Variants in MFNG observed in about 807,000 individuals in gnomAD.
MFNG encodes the protein beta-1,3-N-acetylglucosaminyltransferase manic fringe.
MFNG carries 24 observed loss-of-function variants against 34.2 expected under a neutral mutation model. The observed-to-expected ratio is 0.70, with a 90% CI of 0.51 to 0.99. The LOEUF is 0.99. Ranked by LOEUF, MFNG falls within the 50% of genes least tolerant of loss-of-function variation. MFNG has a pLI of 0.00. For missense variants in MFNG, 383 were observed against 424.0 expected (o/e 0.90, Z 0.85); for synonymous variants, 158 against 179.2 (o/e 0.88, Z 0.94).
intron 3 of MFNG, among the ~76,000 whole-genome samples, chr22:37,479,894 C>T (rs1403991335): frequency 6.6e-6 from 1 of 152,104 alleles, no homozygotes; most frequent in Non-Finnish European, 1.5e-5. Flanking sequence ...ATCCCAGCTA[C>T]TTGGGAGGCT....
intron 1 of MFNG, chr22:37,481,368 G>A (rs890504032): frequency 6.5e-6 from 1 of 152,938 alleles, no homozygotes; most frequent in Non-Finnish European, 1.5e-5. Context: ...GTTGTCATCT[G>A]TTCCCTTTCC....
At chr22:37,479,770 G>A (rs918678546) in intron 3 of MFNG, among the ~76,000 whole-genome samples, 2 of 152,162 alleles carry the variant, frequency 1.3e-5, no homozygotes, top group Non-Finnish European at 2.9e-5. Flanking sequence ...TTAGGAGGCC[G>A]AGGCAGGTGA....
Position 37,469,647 on chromosome 22 carries a change from T to G in MFNG, c.*316A>C. On this transcript the variant is annotated 3_prime_UTR_variant, in exon 8 of 8. Coordinates refer to ENST00000356998, the MANE Select transcript of MFNG (RefSeq NM_002405.4). Reference sequence around the variant, plus strand: ...AGAGGCCATGTCACTGCCTAAAGGGTTAGGACCCCTGAGCCCCAGCCCAGC... The same window carrying G: ...AGAGGCCATGTCACTGCCTAAAGGGGTAGGACCCCTGAGCCCCAGCCCAGC... 2.3e-6 allele frequency: 1 copy of G among 438,412 alleles called. No individual in the cohort carries two copies. The highest frequency in any genetic ancestry group is 5.0e-5 in the East Asian group (1 of 20,066). The allele number at this position is 438,412 out of a possible 1,614,324, so 27.2% of individuals were successfully genotyped here.
At chr22:37,470,054 G>C in intron 7 of MFNG, 25 bp from the exon 8 acceptor site, 1 of 1,560,808 alleles carries the variant, frequency 6.4e-7, no homozygotes, top group Non-Finnish European at 8.7e-7. Flanking sequence ...GAAAAGGACA[G>C]GATGGTCACC....
At chr22:37,476,748 C>T in intron 5 of MFNG, 148 bp downstream of exon 5, 2 of 701,878 alleles carry the variant, frequency 2.8e-6, no homozygotes, top group Admixed American at 4.6e-5. Flanking sequence ...GGCTTGTTCA[C>T]CACCAACTGC....
chr22:37,479,829 C>A (rs1922210291), intron 3 of MFNG, among the ~76,000 whole-genome samples: 1 of 152,096 alleles, frequency 6.6e-6, no homozygotes, highest in Non-Finnish European at 1.5e-5. Context: ...CATGGTGAAA[C>A]CCCGTCTCTA....
At chr22:37,473,760 T>C (rs562751188) in intron 6 of MFNG, among the ~76,000 whole-genome samples, 1 of 152,338 alleles carries the variant, frequency 6.6e-6, no homozygotes, top group South Asian at 2.1e-4. Flanking sequence ...ACATGAGGGC[T>C]GAGCCCACCT....
Position 37,472,429 on chromosome 22 carries a change from GC to G in MFNG, c.899+13del. 1.9e-6 allele frequency: 3 copies of G among 1,561,392 alleles called. No individual in the cohort carries two copies. The highest frequency in any genetic ancestry group is 2.5e-5 in the East Asian group (1 of 40,558). The stretch of plus-strand genomic sequence containing the variant: ...CCCACTCCTCCCATCCAAGGTTCCA[GC>G]CCCCAGACCCACCTGGAGGGGTCCT... On this transcript the variant is annotated intron_variant, in intron 7 of 7. Coordinates refer to ENST00000356998, the MANE Select transcript of MFNG (RefSeq NM_002405.4).
chr22:37,474,970 T>C (rs762057171), intron 5 of MFNG, among the ~76,000 whole-genome samples: 4 of 152,216 alleles, frequency 2.6e-5, no homozygotes, highest in Non-Finnish European at 5.9e-5. Flanking sequence ...CTCTCTGTCT[T>C]GTCATTCATT....
rs56181145 is a variant in MFNG, at chr22:37,479,919, G to A, written c.407+278C>T. ...CTTGGGAGGCTGAGGCAGGAGAATC[G>A]CTTGAATCCAGGAGCGGAGGTTGCA... On this transcript the variant is annotated intron_variant, in intron 3 of 7. Coordinates refer to ENST00000356998, the MANE Select transcript of MFNG (RefSeq NM_002405.4). Among the ~76,000 whole-genome samples the A allele has an allele frequency of 0.06, 9,081 of 152,096 alleles. 401 individuals are homozygous for A. The highest frequency in any genetic ancestry group is 0.087 in the South Asian group (420 of 4,816).
chr22:37,484,782 TG>T (rs1327747413), intron 1 of MFNG, among the ~76,000 whole-genome samples: 4 of 152,144 alleles, frequency 2.6e-5, no homozygotes, highest in Non-Finnish European at 5.9e-5. Flanking sequence ...GCTGAGGTGC[TG>T]GGGGCCAGCT....
Position 37,482,354 on chromosome 22 carries a change from G to C in MFNG, c.256-1585C>G, listed in dbSNP as rs1310995112. 6.6e-6 allele frequency among the ~76,000 whole-genome samples: 1 copy of C among 152,122 alleles called. No homozygotes were observed. Among genetic ancestry groups the C allele is most frequent in the Non-Finnish European group, 1.5e-5 (1 of 68,016 alleles). ...AAGTGTGGCCAGTGAGGGGCCACCT[G>C]GCCACCCTGCCTGATGTAGTCTGAT... On this transcript the variant is annotated intron_variant, in intron 1 of 7. Coordinates refer to ENST00000356998, the MANE Select transcript of MFNG (RefSeq NM_002405.4). This position sits in a 1 kb window ranked among gnomAD's most constrained non-coding sequence, Gnocchi z 4.1.
chr22:37,474,011 T>C (rs1275721546), intron 6 of MFNG, among the ~76,000 whole-genome samples: 2 of 152,158 alleles, frequency 1.3e-5, no homozygotes, highest in African/African-American at 4.8e-5. Context: ...AACATAATGC[T>C]GAGCGTCCCC....
At chr22:37,477,098 T>A in intron 4 of MFNG, 117 bp from the exon 5 acceptor site, 1 of 818,960 alleles carries the variant, frequency 1.2e-6, no homozygotes, top group Non-Finnish European at 2.0e-6. Context: ...TTATTTTGAA[T>A]CTCACTAGAG....
chr22:37,472,952 T>C (rs1921876134), intron 6 of MFNG, among the ~76,000 whole-genome samples: 1 of 152,064 alleles, frequency 6.6e-6, no homozygotes, highest in Non-Finnish European at 1.5e-5. Context: ...TGATTTCAGC[T>C]CAGAGGCTGT....
At chr22:37,474,933 C>A (rs1313353002) in intron 5 of MFNG, among the ~76,000 whole-genome samples, 1 of 152,186 alleles carries the variant, frequency 6.6e-6, no homozygotes, top group Non-Finnish European at 1.5e-5. Flanking sequence ...GAAGGTGATG[C>A]CCTTTATAAA....
chr22:37,480,314 A>G lies in MFNG; in HGVS notation c.305-15T>C. 1 of 1,608,130 alleles carries G rather than the reference A, an allele frequency of 6.2e-7. No homozygotes were observed. Among genetic ancestry groups the G allele is most frequent in the Non-Finnish European group, 8.5e-7 (1 of 1,174,898 alleles). On this transcript the variant is annotated splice_polypyrimidine_tract_variant and intron_variant, in intron 2 of 7. Transcript: ENST00000356998. ...AAGGTGGGACCCTGGAGAAGTGAGG[A>G]GGAGTCAGGGGACCCTGCCCAGGTC...
In MFNG at chr22:37,485,490, A is replaced by G. The variant is rs1922503788; in HGVS notation, c.255+433T>C. Among the ~76,000 whole-genome samples the G allele has an allele frequency of 6.6e-6, 1 of 152,188 alleles. No individual in the cohort carries two copies. Among genetic ancestry groups the G allele is most frequent in the South Asian group, 2.1e-4 (1 of 4,824 alleles). ...ACAGCACCTAGGGCCTGGGTGGGAC[A>G]GCCTGGCCTGGGCACGGGTCTGGGT... On this transcript the variant is annotated intron_variant, in intron 1 of 7. Transcript: ENST00000356998. This position sits in a 1 kb window ranked among gnomAD's most constrained non-coding sequence, Gnocchi z 5.3.
Position 37,486,297 on chromosome 22 carries a change from A to G in MFNG, c.-120T>C. 1 of 1,161,364 alleles carries G rather than the reference A, an allele frequency of 8.6e-7. No homozygotes were observed. Among genetic ancestry groups the G allele is most frequent in the South Asian group, 1.7e-5 (1 of 57,404 alleles). The allele number at this position is 1,161,364 out of a possible 1,614,324, so 71.9% of individuals were successfully genotyped here. A position where few individuals can be genotyped will look rare whatever the true frequency, so the allele number is the denominator to read the frequency against. ...GTCTGGCAGGCATCAGGGGCTGGCA[A>G]GGAGGGAAGAGGTAGGAGCTGAGGC... On this transcript the variant is annotated 5_prime_UTR_variant, in exon 1 of 8. Transcript: ENST00000356998.
Sources: allele counts gnomAD v4.1 joint callset (sites outside exome capture counted in the v4.1 genomes callset), GRCh38; gene constraint gnomAD v4.1.1; non-coding constraint Gnocchi (gnomAD v3.1); transcripts MANE v1.5; gene names NCBI Gene and HGNC (gene_info 2026-07-23, HGNC 2026-07-21).